Variants in GPHN observed in about 807,000 individuals in gnomAD.
GPHN encodes gephyrin.
A neutral mutation model predicts 95.5 loss-of-function variants in GPHN; 17 were observed. That is an observed-to-expected ratio of 0.18 (90% confidence interval 0.12 to 0.27). The LOEUF (loss-of-function observed/expected upper bound fraction) is 0.27, where lower values mean the gene tolerates loss of function less well. Ranked by LOEUF, GPHN falls within the 10% of genes least tolerant of loss-of-function variation. The pLI is 1.00. For synonymous variants in GPHN, 320 were observed against 322.5 expected, an observed-to-expected ratio of 0.99 and a Z score of 0.08; for missense variants, 660 against 978.1, an observed-to-expected ratio of 0.67 and a Z score of 4.34.
At chr14:66,769,977 C>A (rs141948868) in intron 2 of GPHN, among the ~76,000 whole-genome samples, 1,831 of 152,242 alleles carry the variant, frequency 0.012, 19 homozygotes, top group Non-Finnish European at 0.018. Context: ...TTCTCTGCAA[C>A]CTCACCAGCA....
At chr14:66,666,115 G>T (rs529300544) in intron 1 of GPHN, among the ~76,000 whole-genome samples, 1 of 150,360 alleles carries the variant, frequency 6.7e-6, no homozygotes, top group South Asian at 2.1e-4. Flanking sequence ...GTAGGGGGAG[G>T]GGGGAGGGAT....
At chr14:67,637,450 C>T in the GPHN span, among the ~76,000 whole-genome samples, 3 of 149,172 alleles carry the variant, frequency 2.0e-5, no homozygotes, top group African/African-American at 7.4e-5. Context: ...TAATATTACT[C>T]AGTTCATCCT....
the GPHN span, chr14:67,646,803 C>G: frequency 6.8e-7 from 1 of 1,469,848 alleles, no homozygotes; most frequent in African/African-American, 1.4e-5. Flanking sequence ...ATTTGAAAGG[C>G]TGATGCTTAA....
intron 2 of GPHN, among the ~76,000 whole-genome samples, chr14:66,747,098 G>A (rs763500327): frequency 1.3e-5 from 2 of 152,162 alleles, no homozygotes; most frequent in African/African-American, 2.4e-5. Context: ...TTCAGAGGTA[G>A]TGGAGGAAAA....
intron 1 of GPHN, among the ~76,000 whole-genome samples, chr14:66,614,884 A>G (rs1283859819): frequency 1.3e-5 from 2 of 152,122 alleles, no homozygotes; most frequent in East Asian, 3.9e-4. Flanking sequence ...ATCACCCAAC[A>G]GGTCCTGGTG....
chr14:66,772,603 T>C (rs1318883267), intron 2 of GPHN, among the ~76,000 whole-genome samples: 1 of 152,212 alleles, frequency 6.6e-6, no homozygotes, highest in Non-Finnish European at 1.5e-5. Flanking sequence ...ATTCGAATAA[T>C]GAATAATGGC....
chr14:66,827,463 C>T (rs1295989509), intron 4 of GPHN, among the ~76,000 whole-genome samples: 2 of 152,082 alleles, frequency 1.3e-5, no homozygotes. Flanking sequence ...GTCATTTAAC[C>T]ACTCTGTGCC....
the GPHN span, among the ~76,000 whole-genome samples, chr14:67,533,996 G>A: frequency 1.3e-5 from 2 of 152,014 alleles, no homozygotes; most frequent in Non-Finnish European, 2.9e-5. Context: ...CTCTCCTTGT[G>A]GGATTTCTGC....
intron 3 of GPHN, among the ~76,000 whole-genome samples, chr14:66,798,199 C>CAAAA (rs2060224362): frequency 6.6e-6 from 1 of 151,826 alleles, no homozygotes; most frequent in Non-Finnish European, 1.5e-5. Context: ...AATGATCTTT[C>CAAAA]TGATGTATTG....
At chr14:67,205,755 A>T in the GPHN span, among the ~76,000 whole-genome samples, 1 of 152,230 alleles carries the variant, frequency 6.6e-6, no homozygotes, top group African/African-American at 2.4e-5. Context: ...CTCTTTGGGC[A>T]AACGTTAGTG....
At chr14:67,668,803 T>C in the GPHN span, among the ~76,000 whole-genome samples, 2 of 152,184 alleles carry the variant, frequency 1.3e-5, no homozygotes, top group African/African-American at 2.4e-5. Flanking sequence ...GCCTGAGAAT[T>C]TGCATTTCTA....
the GPHN span, among the ~76,000 whole-genome samples, chr14:67,477,142 GACA>G: frequency 1.3e-5 from 2 of 148,552 alleles, no homozygotes; most frequent in Admixed American, 6.7e-5. Context: ...CTCCAGCCTG[GACA>G]ACAAGAGCGA....
intron 22 of GPHN, among the ~76,000 whole-genome samples, chr14:67,180,259 A>G (rs1267961420): frequency 6.6e-6 from 1 of 152,244 alleles, no homozygotes; most frequent in Non-Finnish European, 1.5e-5. Context: ...GATCCTACCA[A>G]GTGAAAACGT....
At position 66,768,675 on chromosome 14, in the gene GPHN, A is replaced by G. The variant is rs565775985; in HGVS notation, c.144-7789A>G. On this transcript the variant is annotated intron_variant, in intron 2 of 22. Transcript: ENST00000478722. ...GGGACAGACAGACAATTAAACAATA[A>G]TAGTTGGGGGCTTTAGTACCCCACT... Among the ~76,000 whole-genome samples the G allele has an allele frequency of 4.6e-5, 7 of 152,154 alleles. No homozygotes were observed. In the South Asian group the frequency reaches 1.4e-3, roughly 31 times the overall value.
At chr14:67,459,410 A>T in the GPHN span, among the ~76,000 whole-genome samples, 2 of 152,208 alleles carry the variant, frequency 1.3e-5, no homozygotes, top group Non-Finnish European at 2.9e-5. Context: ...GGAAGGCTTC[A>T]TGGAACTTCT....
intron 5 of GPHN, among the ~76,000 whole-genome samples, chr14:66,910,740 G>A (rs561524079): frequency 1.5e-4 from 23 of 152,022 alleles, no homozygotes; most frequent in Non-Finnish European, 5.9e-5. Flanking sequence ...ACTTTTCTGA[G>A]TCAATATTTA....
chr14:67,631,763 G>A, the GPHN span, among the ~76,000 whole-genome samples: 1 of 151,982 alleles, frequency 6.6e-6, no homozygotes, highest in Non-Finnish European at 1.5e-5. Context: ...CTTCTTACAT[G>A]TCAGTGTTCT....
At chr14:66,720,864 C>T (rs1332852318) in intron 2 of GPHN, among the ~76,000 whole-genome samples, 1 of 152,072 alleles carries the variant, frequency 6.6e-6, no homozygotes, top group Non-Finnish European at 1.5e-5. Context: ...GATGCTGTCT[C>T]TTTGTAAAAA....
the GPHN span, among the ~76,000 whole-genome samples, chr14:67,575,052 C>G: frequency 2.6e-5 from 4 of 152,194 alleles, no homozygotes; most frequent in African/African-American, 9.6e-5. Flanking sequence ...CTTCAGCCTG[C>G]TGTTTTCCCT....
Sources: gnomAD v4.1 joint callset for allele counts (sites outside exome capture counted in the v4.1 genomes callset) on GRCh38, gnomAD v4.1.1 for gene constraint, MANE v1.5 for transcripts, NCBI Gene and HGNC (gene_info 2026-07-23, HGNC 2026-07-21) for gene names.